Variants in TAFA1 observed in about 807,000 individuals in gnomAD.
TAFA1 encodes the protein TAFA chemokine like family member 1, also known as chemokine-like protein TAFA-1.
Under a neutral mutation model 18.5 loss-of-function variants are expected in TAFA1, and 4 were observed. The observed-to-expected ratio is 0.22, with a 90% confidence interval of 0.11 to 0.49. The LOEUF is 0.49. Ranked by LOEUF, TAFA1 falls within the 20% of genes least tolerant of loss-of-function variation. The pLI is 0.98. For missense variants in TAFA1, 147 were observed against 169.0 expected (o/e 0.87, Z 0.72); for synonymous variants, 56 against 55.2 (o/e 1.01, Z -0.06).
chr3:68,264,271 A>G (rs149908805), intron 2 of TAFA1, among the ~76,000 whole-genome samples: 413 of 152,330 alleles, frequency 2.7e-3, no homozygotes, highest in African/African-American at 8.7e-3. Context: ...TTCTGACTCA[A>G]AAAATAAATA....
intron 2 of TAFA1, among the ~76,000 whole-genome samples, chr3:68,167,216 G>A (rs768125424): frequency 5.9e-5 from 9 of 152,180 alleles, no homozygotes; most frequent in Non-Finnish European, 1.0e-4. Context: ...TGAAAACATA[G>A]CTCCCATACA....
At chr3:68,157,221 A>G (rs565525373) in intron 2 of TAFA1, among the ~76,000 whole-genome samples, 1 of 152,326 alleles carries the variant, frequency 6.6e-6, no homozygotes, top group South Asian at 2.1e-4. Flanking sequence ...TGTGCTTACA[A>G]CATGCTCTTG....
At chr3:68,294,149 T>A (rs187484349) in intron 2 of TAFA1, among the ~76,000 whole-genome samples, 1 of 152,288 alleles carries the variant, frequency 6.6e-6, no homozygotes, top group African/African-American at 2.4e-5. Flanking sequence ...CAACAATAAT[T>A]CAAAATTTAA....
At chr3:68,105,263 A>C (rs1280545647) in intron 2 of TAFA1, among the ~76,000 whole-genome samples, 3 of 152,132 alleles carry the variant, frequency 2.0e-5, no homozygotes, top group African/African-American at 7.2e-5. Context: ...GGGACATTCA[A>C]AATATATCAG....
chr3:68,341,905 G>A (rs1033806633), intron 2 of TAFA1, among the ~76,000 whole-genome samples: 15 of 152,200 alleles, frequency 9.9e-5, no homozygotes, highest in Non-Finnish European at 2.1e-4. Flanking sequence ...GATGTGGAAT[G>A]AAAGTTTAGC....
chr3:68,173,669 T>G (rs1441263932), intron 2 of TAFA1, among the ~76,000 whole-genome samples: 1 of 152,212 alleles, frequency 6.6e-6, no homozygotes, highest in Non-Finnish European at 1.5e-5. Flanking sequence ...GTCTTCACTC[T>G]CATATTGCTT....
intron 2 of TAFA1, among the ~76,000 whole-genome samples, chr3:68,257,891 A>T (rs2067330019): frequency 6.6e-6 from 1 of 152,106 alleles, no homozygotes; most frequent in African/African-American, 2.4e-5. Flanking sequence ...CACCTCTGTG[A>T]TTTTCTTCTC....
chr3:68,305,439 A>G (rs1487663621), intron 2 of TAFA1, among the ~76,000 whole-genome samples: 1 of 119,836 alleles, frequency 8.3e-6, no homozygotes, highest in Non-Finnish European at 1.7e-5. Flanking sequence ...ATATATATAT[A>G]TATATATATA....
At chr3:68,318,911 A>G (rs2068650874) in intron 2 of TAFA1, among the ~76,000 whole-genome samples, 1 of 152,178 alleles carries the variant, frequency 6.6e-6, no homozygotes, top group Non-Finnish European at 1.5e-5. Context: ...TCATAACTAG[A>G]AACAGAATTC....
intron 2 of TAFA1, among the ~76,000 whole-genome samples, chr3:68,015,872 T>A (rs995789524): frequency 6.6e-6 from 1 of 152,210 alleles, no homozygotes; most frequent in Non-Finnish European, 1.5e-5. Flanking sequence ...ATAAATTACA[T>A]GTTAACTAGT....
chr3:68,158,289 A>G (rs1186791788), intron 2 of TAFA1, among the ~76,000 whole-genome samples: 1 of 152,134 alleles, frequency 6.6e-6, no homozygotes, highest in East Asian at 1.9e-4. Flanking sequence ...CTAGCTTCCC[A>G]GCAAGCTTTG....
At chr3:68,294,315 CA>C (rs2107284224) in intron 2 of TAFA1, among the ~76,000 whole-genome samples, 1 of 152,048 alleles carries the variant, frequency 6.6e-6, no homozygotes, top group East Asian at 1.9e-4. Flanking sequence ...AAATTACTTG[CA>C]ATAATGTATT....
chr3:68,161,112 T>A (rs7630992), intron 2 of TAFA1, among the ~76,000 whole-genome samples: 1 of 152,104 alleles, frequency 6.6e-6, no homozygotes, highest in Non-Finnish European at 1.5e-5. Flanking sequence ...AATACTTTGA[T>A]GTCAACACAA....
At chr3:68,328,759 A>G (rs2068814673) in intron 2 of TAFA1, among the ~76,000 whole-genome samples, 1 of 152,060 alleles carries the variant, frequency 6.6e-6, no homozygotes, top group Admixed American at 6.5e-5. Context: ...CTCTTTATAT[A>G]TAATAAATAT....
chr3:68,188,508 T>C (rs2066297023), intron 2 of TAFA1, among the ~76,000 whole-genome samples: 1 of 140,800 alleles, frequency 7.1e-6, no homozygotes, highest in Admixed American at 7.1e-5. Flanking sequence ...TATATATATT[T>C]ATATATATAT....
intron 2 of TAFA1, among the ~76,000 whole-genome samples, chr3:68,278,842 A>G (rs1218940537): frequency 2.0e-5 from 3 of 152,112 alleles, no homozygotes; most frequent in Admixed American, 2.0e-4. Flanking sequence ...CATTTCTAGC[A>G]AGTTGCCAGA....
chr3:68,473,737 G>A (rs1052551898), intron 3 of TAFA1, among the ~76,000 whole-genome samples: 1 of 152,128 alleles, frequency 6.6e-6, no homozygotes, highest in African/African-American at 2.4e-5. Flanking sequence ...TTGATCACTT[G>A]GCTTTCTAGT....
chr3:68,137,979 AT>A (rs1399544901), intron 2 of TAFA1, among the ~76,000 whole-genome samples: 3 of 82,918 alleles, frequency 3.6e-5, no homozygotes, highest in Admixed American at 1.4e-4. Context: ...CTTCGCTACT[AT>A]TTAAAAAAAA....
At chr3:68,286,009 G>A (rs553590919) in intron 2 of TAFA1, among the ~76,000 whole-genome samples, 35 of 152,092 alleles carry the variant, frequency 2.3e-4, no homozygotes, top group Non-Finnish European at 3.1e-4. Flanking sequence ...TCAAGAGATT[G>A]AGACCATCCT....
Sources: allele counts gnomAD v4.1 joint callset (sites outside exome capture counted in the v4.1 genomes callset), GRCh38; gene constraint gnomAD v4.1.1; transcripts MANE v1.5; gene names NCBI Gene and HGNC (gene_info 2026-07-23, HGNC 2026-07-21).